ST3GAL3: variants seen among roughly 807,000 people sequenced by gnomAD.
ST3GAL3 encodes the protein CMP-N-acetylneuraminate-beta-1,4-galactoside alpha-2,3-sialyltransferase.
Under a neutral mutation model 50.1 loss-of-function variants are expected in ST3GAL3, and 21 were observed. The ratio of observed to expected loss-of-function variants is 0.42; its 90% CI spans 0.30 to 0.60. The LOEUF is 0.60. ST3GAL3 is among the 20% of genes least tolerant of loss of function. The probability of loss-of-function intolerance (pLI) is 0.19; values close to 1 mark genes in which losing one functional copy is unlikely to be tolerated. For synonymous variants in ST3GAL3, 183 were observed against 190.0 expected (o/e 0.96, Z 0.30); for missense variants, 353 against 489.4 (o/e 0.72, Z 2.63).
chr1:43,808,718 CAGAG>C (rs1348781092), intron 3 of ST3GAL3, among the ~76,000 whole-genome samples: 1 of 152,124 alleles, frequency 6.6e-6, no homozygotes, highest in African/African-American at 2.4e-5. Flanking sequence ...GAGACCTGCA[CAGAG>C]AGAGAGCTCA....
intron 3 of ST3GAL3, chr1:43,801,311 T>TG (rs2154162062): frequency 2.2e-6 from 1 of 456,322 alleles, no homozygotes; most frequent in Non-Finnish European, 4.4e-6. Context: ...GAATTTGTGG[T>TG]GGTTCATTAC....
intron 1 of ST3GAL3, among the ~76,000 whole-genome samples, chr1:43,727,883 T>A (rs951997168): frequency 1.3e-5 from 2 of 152,198 alleles, no homozygotes; most frequent in Non-Finnish European, 2.9e-5. Context: ...ATTTCAACTT[T>A]TATTTTCAAT....
At chr1:43,792,240 G>A in intron 3 of ST3GAL3, 91 bp downstream of exon 3, 1 of 1,526,138 alleles carries the variant, frequency 6.6e-7, no homozygotes, top group Non-Finnish European at 9.1e-7. Flanking sequence ...TTGCTGGGGA[G>A]GGCAGTGGAA....
rs1165309839 is a variant in ST3GAL3 at position 43,744,990 on chromosome 1, GAA to G, written c.118+8617_118+8618del. On this transcript the variant is annotated intron_variant, in intron 2 of 11. Transcript: ENST00000347631. ...TGGGTGACAGAGTGAAACTGTGTTT[GAA>G]AAAAAAGAAAAAAGAAAGAAAGAAA... 3.1e-5 allele frequency among the ~76,000 whole-genome samples: 4 copies of G among 127,744 alleles called. No homozygotes were observed. In the East Asian group the frequency reaches 1.2e-3, roughly 37 times the overall value. 83.8% of individuals were successfully genotyped at this position (127,744 alleles called of 152,430 possible). A position where few individuals can be genotyped will look rare whatever the true frequency, so the allele number is the denominator to read the frequency against.
intron 1 of ST3GAL3, among the ~76,000 whole-genome samples, chr1:43,734,297 C>CTTTTTTTTTTTTTTTTTTTTTTTTTTTT (rs751937263): frequency 8.7e-6 from 1 of 114,422 alleles, no homozygotes; most frequent in Non-Finnish European, 1.8e-5. Flanking sequence ...TCTTCTTCTT[C>CTTTTTTTTTTTTTTTTTTTTTTTTTTTT]TTTTTTTTTT....
Position 43,899,531 on chromosome 1 carries a change from C to T in ST3GAL3, c.558-10C>T, listed in dbSNP as rs1034450598. ...CAGGCCCAGGCTCTGAGTGGGCCTG[C>T]TCTCTGTAGACTGAATTCAGCACCA... On this transcript the variant is annotated splice_polypyrimidine_tract_variant and intron_variant, in intron 8 of 11. Transcript: ENST00000347631. This position sits in a 1 kb window ranked among gnomAD's most constrained non-coding sequence, Gnocchi z 5.4. 11 of 1,611,700 alleles carry T rather than the reference C, an allele frequency of 6.8e-6. No homozygotes were observed. In the East Asian group the frequency reaches 8.9e-5, roughly 13 times the overall value.
intron 4 of ST3GAL3, among the ~76,000 whole-genome samples, chr1:43,819,922 A>G (rs1015666267): frequency 1.3e-4 from 20 of 152,312 alleles, no homozygotes; most frequent in African/African-American, 4.1e-4. Context: ...TTACAGCTGC[A>G]TCTATCAACA....
intron 4 of ST3GAL3, chr1:43,824,736 C>A: frequency 6.2e-7 from 1 of 1,613,962 alleles, no homozygotes; most frequent in Non-Finnish European, 8.5e-7. Flanking sequence ...TGCAGCTCAC[C>A]GAGGACTCTC....
chr1:43,796,929 A>G (rs1157232699), intron 3 of ST3GAL3, among the ~76,000 whole-genome samples: 1 of 152,262 alleles, frequency 6.6e-6, no homozygotes, highest in Non-Finnish European at 1.5e-5. Context: ...CATGCCTGTA[A>G]TCCCAACACT....
intron 1 of ST3GAL3, among the ~76,000 whole-genome samples, chr1:43,722,112 G>T: frequency 6.6e-6 from 1 of 152,172 alleles, no homozygotes; most frequent in East Asian, 1.9e-4. Flanking sequence ...GGTGTGGTAG[G>T]ACTATATGAC....
chr1:43,721,909 A>T (rs1670690943), intron 1 of ST3GAL3, among the ~76,000 whole-genome samples: 2 of 151,794 alleles, frequency 1.3e-5, no homozygotes, highest in Admixed American at 1.3e-4. Context: ...CCCCTCATGT[A>T]TTTTTTTTCA....
chr1:43,865,265 G>C (rs112927542), intron 5 of ST3GAL3, among the ~76,000 whole-genome samples: 1 of 151,832 alleles, frequency 6.6e-6, no homozygotes, highest in African/African-American at 2.4e-5. Flanking sequence ...TGATCCTCCC[G>C]CCTCGGCCTC....
intron 2 of ST3GAL3, among the ~76,000 whole-genome samples, chr1:43,786,304 C>T (rs920011895): frequency 1.3e-5 from 2 of 152,200 alleles, no homozygotes; most frequent in Admixed American, 6.5e-5. Flanking sequence ...CATCTTTCTG[C>T]GGCCTGTACA....
rs528713546 is a variant in ST3GAL3, at chr1:43,752,717, C to T, written c.118+16337C>T. Reference sequence around the variant, plus strand: ...GGGTCTCACCATGTTTGCCCAGGCTCGTCTTGAACTCCTGGGCTCAAGCGA... The same window carrying T: ...GGGTCTCACCATGTTTGCCCAGGCTTGTCTTGAACTCCTGGGCTCAAGCGA... On this transcript the variant is annotated intron_variant, in intron 2 of 11. Coordinates refer to ENST00000347631, the MANE Select transcript of ST3GAL3 (RefSeq NM_006279.5). Among the ~76,000 whole-genome samples the T allele has an allele frequency of 1.4e-3, 209 of 152,102 alleles. 1 individual carries two copies. Among genetic ancestry groups the T allele is most frequent in the Middle Eastern group, 6.8e-3 (2 of 294 alleles).
At chr1:43,925,759 G>A (rs2083812437) in intron 11 of ST3GAL3, among the ~76,000 whole-genome samples, 1 of 152,250 alleles carries the variant, frequency 6.6e-6, no homozygotes. Context: ...GGATGTCAAG[G>A]GAATCCATAA....
In ST3GAL3 at chr1:43,792,157, C is replaced by T. The variant is rs372849609; in HGVS notation, c.166+8C>T. ...GACAAACACTAGGCTCAGGTACCAA[C>T]TCTTCCCCCTCTATCATCTTTTTGG... On this transcript the variant is annotated splice_region_variant and intron_variant, in intron 3 of 11. Transcript: ENST00000347631. 30 of 1,614,224 alleles carry T rather than the reference C, an allele frequency of 1.9e-5. No homozygotes were observed. The African/African-American group carries it at 3.7e-4, about 20-fold the overall frequency.
At chr1:43,794,086 GA>G (rs11342279) in intron 3 of ST3GAL3, among the ~76,000 whole-genome samples, 98,835 of 122,066 alleles carry the variant, frequency 0.81, 39,795 homozygotes, top group East Asian at 0.87. Context: ...CCTGTCTCTG[GA>G]AAAAAAAAAA....
intron 4 of ST3GAL3, among the ~76,000 whole-genome samples, chr1:43,824,480 T>C (rs1163015833): frequency 6.6e-6 from 1 of 152,038 alleles, no homozygotes; most frequent in Non-Finnish European, 1.5e-5. Flanking sequence ...AACAGAGAAA[T>C]TAACCTTGAG....
chr1:43,873,870 A>T (rs1346161635), intron 5 of ST3GAL3, among the ~76,000 whole-genome samples: 1 of 152,166 alleles, frequency 6.6e-6, no homozygotes, highest in Non-Finnish European at 1.5e-5. Flanking sequence ...TTCAGGGAAG[A>T]GGTCCAGACT....
Sources: gnomAD v4.1 joint callset for allele counts (sites outside exome capture counted in the v4.1 genomes callset) on GRCh38, gnomAD v4.1.1 for gene constraint, Gnocchi (gnomAD v3.1) non-coding constraint, MANE v1.5 for transcripts, NCBI Gene and HGNC (gene_info 2026-07-23, HGNC 2026-07-21) for gene names.